The following CADM2 variants were observed in gnomAD, a reference collection of about 807,000 sequenced individuals.
CADM2 encodes immunoglobulin superfamily member 4D.
CADM2 carries 12 observed loss-of-function variants against 49.8 expected under a neutral mutation model. The ratio of observed to expected loss-of-function variants is 0.24; its 90% confidence interval spans 0.15 to 0.39. The LOEUF is 0.39. Ranked by LOEUF, CADM2 falls within the 10% of genes least tolerant of loss-of-function variation. CADM2 has a pLI of 1.00. For synonymous variants in CADM2, 214 were observed against 175.4 expected (o/e 1.22, Z -1.74); for missense variants, 378 against 492.3 (o/e 0.77, Z 2.20).
At chr3:85,865,698 CTG>C (rs1046105908) in intron 3 of CADM2, among the ~76,000 whole-genome samples, 1 of 152,166 alleles carries the variant, frequency 6.6e-6, no homozygotes, top group Non-Finnish European at 1.5e-5. Context: ...TGAGCCTAAA[CTG>C]TGATTGAAGC....
chr3:85,687,309 A>C (rs2066246262), intron 1 of CADM2, among the ~76,000 whole-genome samples: 1 of 152,210 alleles, frequency 6.6e-6, no homozygotes. Flanking sequence ...CATTAAAATA[A>C]ATAACATAAT....
At chr3:85,541,794 T>C (rs1471165828) in intron 1 of CADM2, among the ~76,000 whole-genome samples, 40 of 142,526 alleles carry the variant, frequency 2.8e-4, no homozygotes, top group African/African-American at 9.1e-4. Context: ...TATATATATA[T>C]GTATAGTGTT....
chr3:85,908,254 C>CTTTTT (rs898710165), intron 5 of CADM2, among the ~76,000 whole-genome samples: 6 of 65,768 alleles, frequency 9.1e-5, no homozygotes, highest in Non-Finnish European at 9.4e-5. Flanking sequence ...TTTTTTTCTT[C>CTTTTT]TTTTTTTTTT....
chr3:85,588,831 CAGTAGA>C (rs2063019789), intron 1 of CADM2, among the ~76,000 whole-genome samples: 1 of 152,016 alleles, frequency 6.6e-6, no homozygotes, highest in South Asian at 2.1e-4. Flanking sequence ...TTAGATTAGA[CAGTAGA>C]AGCAAGGCAA....
At chr3:85,358,846 AT>A (rs2032092136) in intron 1 of CADM2, among the ~76,000 whole-genome samples, 1 of 152,158 alleles carries the variant, frequency 6.6e-6, no homozygotes, top group South Asian at 2.1e-4. Flanking sequence ...TTAACCAAAC[AT>A]TTATTTTAAT....
At chr3:85,144,185 C>T (rs538704453) in intron 1 of CADM2, among the ~76,000 whole-genome samples, 3 of 152,116 alleles carry the variant, frequency 2.0e-5, no homozygotes, top group African/African-American at 7.2e-5. Flanking sequence ...ATTACCTACC[C>T]TGCTTACCAG....
intron 1 of CADM2, among the ~76,000 whole-genome samples, chr3:85,381,931 T>C (rs978378267): frequency 9.2e-5 from 14 of 151,866 alleles, no homozygotes; most frequent in African/African-American, 3.1e-4. Context: ...TCAGGAATCA[T>C]CACTCTAATC....
intron 8 of CADM2, among the ~76,000 whole-genome samples, chr3:86,062,103 A>G (rs1001335396): frequency 1.3e-5 from 2 of 152,144 alleles, no homozygotes; most frequent in African/African-American, 2.4e-5. Context: ...ATTTACCTTC[A>G]GCAAGAAAGA....
At chr3:85,231,879 T>C (rs958020401) in intron 1 of CADM2, among the ~76,000 whole-genome samples, 1 of 151,484 alleles carries the variant, frequency 6.6e-6, no homozygotes, top group East Asian at 2.0e-4. Context: ...ACCCGACTAA[T>C]TTTTGTATTT....
rs1731909098 is a variant in CADM2 at position 86,014,169 on chromosome 3, G to C, written c.971-51436G>C. ...TTTGGTGGAACTCCTGCAAGCACTT[G>C]TTTTAGGTTCAGATGGTATAAATAG... On this transcript the variant is annotated intron_variant, in intron 8 of 9. Transcript: ENST00000383699. The C allele has an allele frequency of 8.5e-6, 11 of 1,294,198 alleles. No individual in the cohort carries two copies. The South Asian group carries it at 1.4e-4, about 17-fold the overall frequency. The allele number at this position is 1,294,198 out of a possible 1,614,324, so 80.2% of individuals were successfully genotyped here.
chr3:85,424,628 G>A (rs1007472945), intron 1 of CADM2, among the ~76,000 whole-genome samples: 2 of 152,200 alleles, frequency 1.3e-5, no homozygotes, highest in Admixed American at 6.5e-5. Context: ...CCTGTGAAAT[G>A]CAAACAGCAA....
At chr3:85,168,051 C>CTTAT (rs955826988) in intron 1 of CADM2, among the ~76,000 whole-genome samples, 72 of 152,048 alleles carry the variant, frequency 4.7e-4, no homozygotes, top group African/African-American at 1.5e-3. Flanking sequence ...TAACCATAAA[C>CTTAT]TTATTTATTT....
chr3:85,930,363 G>A (rs539386036), intron 6 of CADM2, among the ~76,000 whole-genome samples: 16 of 152,154 alleles, frequency 1.1e-4, no homozygotes, highest in African/African-American at 3.6e-4. Flanking sequence ...TACATGAGAT[G>A]TTTTGATACA....
At chr3:85,269,355 A>G (rs1253966780) in intron 1 of CADM2, among the ~76,000 whole-genome samples, 1 of 151,530 alleles carries the variant, frequency 6.6e-6, no homozygotes, top group Non-Finnish European at 1.5e-5. Flanking sequence ...ACTTGAAAAA[A>G]TAAAATAGAA....
At chr3:85,013,234 A>C in intron 1 of CADM2, among the ~76,000 whole-genome samples, 1 of 151,848 alleles carries the variant, frequency 6.6e-6, no homozygotes. Flanking sequence ...AAGAAAACAC[A>C]AGAAAGAGAT....
chr3:85,640,947 C>G (rs1027150898), intron 1 of CADM2, among the ~76,000 whole-genome samples: 1 of 152,156 alleles, frequency 6.6e-6, no homozygotes, highest in Non-Finnish European at 1.5e-5. Context: ...TTTGCCTAAT[C>G]TATACCTTAT....
intron 1 of CADM2, among the ~76,000 whole-genome samples, chr3:85,683,770 G>C (rs1312092595): frequency 6.6e-6 from 1 of 152,182 alleles, no homozygotes; most frequent in Non-Finnish European, 1.5e-5. Flanking sequence ...ATAGAAAACA[G>C]TGCAAACAGT....
intron 2 of CADM2, among the ~76,000 whole-genome samples, chr3:85,796,379 T>C (rs1292561349): frequency 6.6e-6 from 1 of 152,124 alleles, no homozygotes. Context: ...GATTGATAGT[T>C]CTCCATGTCG....
At chr3:85,442,274 G>T (rs992406020) in intron 1 of CADM2, among the ~76,000 whole-genome samples, 2 of 151,678 alleles carry the variant, frequency 1.3e-5, no homozygotes, top group Non-Finnish European at 2.9e-5. Flanking sequence ...TTCTTCTCCA[G>T]TTGTTCTTGT....
Sources: allele counts gnomAD v4.1 joint callset (sites outside exome capture counted in the v4.1 genomes callset), GRCh38; gene constraint gnomAD v4.1.1; transcripts MANE v1.5; gene names NCBI Gene and HGNC (gene_info 2026-07-23, HGNC 2026-07-21).